Variants in AVL9 observed in about 807,000 individuals in gnomAD.
AVL9 encodes the protein AVL9 cell migration associated.
A neutral mutation model predicts 79.2 loss-of-function variants in AVL9; 49 were observed. That is an observed-to-expected ratio of 0.62 (90% CI 0.49 to 0.79). The LOEUF (loss-of-function observed/expected upper bound fraction) is 0.79. Among genes scored for constraint, AVL9 ranks in the 30% least tolerant of loss-of-function variants. The probability of loss-of-function intolerance (pLI) is 0.00; values close to 1 mark genes in which losing one functional copy is unlikely to be tolerated. For synonymous variants in AVL9, 299 were observed against 280.6 expected, an observed-to-expected ratio of 1.07 and a Z score of -0.65; for missense variants, 682 against 776.8, an observed-to-expected ratio of 0.88 and a Z score of 1.45.
intron 1 of AVL9, among the ~76,000 whole-genome samples, chr7:32,520,605 G>A (rs906039361): frequency 6.6e-6 from 1 of 152,142 alleles, no homozygotes; most frequent in African/African-American, 2.4e-5. Flanking sequence ...CAGTTGATAC[G>A]CTTCTTATGC....
chr7:32,558,078 TCTC>T (rs1562787257), intron 8 of AVL9, among the ~76,000 whole-genome samples: 1 of 151,138 alleles, frequency 6.6e-6, no homozygotes, highest in Non-Finnish European at 1.5e-5. Flanking sequence ...CTGGTCTCGA[TCTC>T]CTGACCTCAT....
chr7:32,582,165 A>G (rs1355346858), intron 15 of AVL9, among the ~76,000 whole-genome samples: 2 of 152,204 alleles, frequency 1.3e-5, no homozygotes, highest in Admixed American at 1.3e-4. Context: ...CAGTGCAAGA[A>G]ACTCCCAATT....
intron 4 of AVL9, among the ~76,000 whole-genome samples, chr7:32,549,652 C>T (rs867633178): frequency 3.7e-4 from 56 of 151,584 alleles, no homozygotes; most frequent in African/African-American, 1.3e-3. Flanking sequence ...TGGTGGCTCA[C>T]GCCTGTAATA....
At chr7:32,511,663 C>T (rs1200618361) in intron 1 of AVL9, among the ~76,000 whole-genome samples, 2 of 151,606 alleles carry the variant, frequency 1.3e-5, no homozygotes, top group African/African-American at 4.9e-5. Context: ...CAGGGAGTTC[C>T]GGGAGGTAGG....
intron 6 of AVL9, among the ~76,000 whole-genome samples, chr7:32,552,898 A>G (rs74360426): frequency 0.012 from 1,778 of 152,270 alleles, 35 homozygotes; most frequent in African/African-American, 0.04. Context: ...AAAGCTGCTC[A>G]GCTCTTTTAT....
rs191249288 is a variant in AVL9, at chr7:32,548,118, G to A, written c.301-729G>A. ...TGCTGGCAGTTCTTCCATCTCTGGA[G>A]AACAAGCTGTCTGTTTTTGTCATCT... is the stretch of plus-strand genomic sequence containing the variant. On this transcript the variant is annotated intron_variant, in intron 3 of 15. Coordinates refer to ENST00000318709, the MANE Select transcript of AVL9 (RefSeq NM_015060.3). Among the ~76,000 whole-genome samples the A allele has an allele frequency of 3.5e-5, 5 of 143,450 alleles. No individual in the cohort carries two copies. In the Admixed American group the frequency reaches 3.6e-4, roughly 10 times the overall value. 94.1% of individuals were successfully genotyped at this position (143,450 alleles called of 152,430 possible).
intron 3 of AVL9, among the ~76,000 whole-genome samples, chr7:32,547,446 G>T (rs1279848878): frequency 6.6e-6 from 1 of 152,154 alleles, no homozygotes; most frequent in Non-Finnish European, 1.5e-5. Flanking sequence ...TCCGTTCTTG[G>T]AAATCTGTTC....
intron 1 of AVL9, chr7:32,531,854 G>T (rs960963700): frequency 6.3e-6 from 1 of 158,752 alleles, no homozygotes; most frequent in East Asian, 1.8e-4. Context: ...GACCCCCAAA[G>T]CCCCAGAGGG....
At chr7:32,574,575 C>T (rs962614615) in intron 12 of AVL9, among the ~76,000 whole-genome samples, 3 of 152,012 alleles carry the variant, frequency 2.0e-5, no homozygotes, top group Non-Finnish European at 4.4e-5. Flanking sequence ...AATAGTAGCT[C>T]ACTTTTTTTT....
chr7:32,582,214 T>C (rs1050641902), intron 15 of AVL9, among the ~76,000 whole-genome samples: 1 of 152,260 alleles, frequency 6.6e-6, no homozygotes, highest in Non-Finnish European at 1.5e-5. Flanking sequence ...TTGCCCCATC[T>C]GCTTTGTCAT....
intron 1 of AVL9, among the ~76,000 whole-genome samples, chr7:32,504,425 G>A (rs756682116): frequency 1.3e-3 from 198 of 152,222 alleles, no homozygotes; most frequent in Non-Finnish European, 1.9e-3. Context: ...TCCTCTAGCA[G>A]AGGATCTTTA....
At chr7:32,511,245 A>T (rs1273767305) in intron 1 of AVL9, among the ~76,000 whole-genome samples, 2 of 101,566 alleles carry the variant, frequency 2.0e-5, no homozygotes, top group East Asian at 6.2e-4. Context: ...CTTTGGGAGA[A>T]TCCACAGTCC....
chr7:32,582,618 A>C (rs925678660), intron 15 of AVL9, among the ~76,000 whole-genome samples: 30 of 152,304 alleles, frequency 2.0e-4, no homozygotes, highest in African/African-American at 7.0e-4. Flanking sequence ...TCTAAAGCCA[A>C]ATCTCTTCTA....
intron 1 of AVL9, among the ~76,000 whole-genome samples, chr7:32,529,417 A>G (rs933910332): frequency 1.3e-5 from 2 of 152,224 alleles, no homozygotes; most frequent in Non-Finnish European, 2.9e-5. Context: ...TGTGAAGTAC[A>G]TGGCACCTAG....
Position 32,507,458 on chromosome 7 carries a change from A to G in AVL9, c.93+11656A>G, listed in dbSNP as rs74368083. On this transcript the variant is annotated intron_variant, in intron 1 of 15. Transcript: ENST00000318709. ...AACCACCCTCTCCACTTGTAACACCATAGATTACTCTGTTTCTTCACTTTA... is the reference window on the plus strand; with the variant it reads ...AACCACCCTCTCCACTTGTAACACCGTAGATTACTCTGTTTCTTCACTTTA... 9.9e-3 allele frequency among the ~76,000 whole-genome samples: 1,502 copies of G among 152,290 alleles called. 14 individuals carry two copies. Among genetic ancestry groups the G allele is most frequent in the East Asian group, 0.021 (107 of 5,186 alleles).
intron 1 of AVL9, among the ~76,000 whole-genome samples, chr7:32,511,068 G>A (rs1787649532): frequency 7.0e-6 from 1 of 143,846 alleles, no homozygotes; most frequent in South Asian, 2.2e-4. Flanking sequence ...GGAGTCCACA[G>A]TCCTGGCACT....
At chr7:32,569,704 G>T (rs1790742414) in intron 10 of AVL9, among the ~76,000 whole-genome samples, 1 of 152,176 alleles carries the variant, frequency 6.6e-6, no homozygotes, top group Non-Finnish European at 1.5e-5. Flanking sequence ...AAGTGAAAAG[G>T]TTCAATTCAT....
chr7:32,495,847 C>A (rs1368620718), intron 1 of AVL9, 45 bp downstream of exon 1: 1 of 1,229,290 alleles, frequency 8.1e-7, no homozygotes, highest in Non-Finnish European at 1.0e-6. Flanking sequence ...CGGGCGTTCG[C>A]CCCTTCCGGG....
chr7:32,546,069 C>CTTTTTTTTTTTTTT (rs57046702), intron 3 of AVL9, among the ~76,000 whole-genome samples: 1 of 99,040 alleles, frequency 1.0e-5, no homozygotes, highest in African/African-American at 3.8e-5. Context: ...TACCTGGAGA[C>CTTTTTTTTTTTTTT]TTTTTTTTTT....
Sources: gnomAD v4.1 joint callset for allele counts (sites outside exome capture counted in the v4.1 genomes callset) on GRCh38, gnomAD v4.1.1 for gene constraint, MANE v1.5 for transcripts, NCBI Gene and HGNC (gene_info 2026-07-23, HGNC 2026-07-21) for gene names.